The following B3GNT6 variants were observed in gnomAD, a reference collection of about 807,000 sequenced individuals.
The protein encoded by B3GNT6 is UDP-GlcNAc:betaGal beta-1,3-N-acetylglucosaminyltransferase 6, also known as acetylgalactosaminyl-O-glycosyl-glycoprotein beta-1,3-N-acetylglucosaminyltransferase.
For synonymous variants in B3GNT6, 300 were observed against 270.0 expected (o/e 1.11, Z -1.09); for missense variants, 624 against 568.6 (o/e 1.10, Z -0.99).
At position 77,041,042 on chromosome 11, in the gene B3GNT6, C is replaced by T. The variant is rs572454531; in HGVS notation, c.*336C>T. 9 of 291,242 alleles carry T rather than the reference C, an allele frequency of 3.1e-5. No individual in the cohort carries two copies. The highest frequency in any genetic ancestry group is 2.5e-4 in the East Asian group (4 of 16,138). The allele number at this position is 291,242 out of a possible 1,614,324, so 18.0% of individuals were successfully genotyped here. On this transcript the variant is annotated 3_prime_UTR_variant, in exon 2 of 2. Coordinates refer to ENST00000622824, the MANE Select transcript of B3GNT6 (RefSeq NM_138706.5). ...TCCACCGCCCTCTCTGCAAGAATTC[C>T]GGGCCCCTCGCTCCCACACTCGGGT...
rs144991604 is a variant in B3GNT6 at position 77,036,224 on chromosome 11, TAA to T, written c.-1+1749_-1+1750del. ...TGCGCACTGAGTAGACAGTTGACGG[TAA>T]AAGAGACATAGCTTATCTCGCAAGC... On this transcript the variant is annotated intron_variant, in intron 1 of 1. Transcript: ENST00000622824. Among the ~76,000 whole-genome samples, 468 of 152,286 alleles carry T rather than the reference TAA, an allele frequency of 3.1e-3. 3 individuals carry two copies. Among genetic ancestry groups the T allele is most frequent in the African/African-American group, 0.011 (455 of 41,570 alleles).
At chr11:77,039,492 G>T in intron 1 of B3GNT6, 60 bp from the exon 2 acceptor site, 2 of 1,522,240 alleles carry the variant, frequency 1.3e-6, no homozygotes, top group South Asian at 2.6e-5. Context: ...GGGTACGGGT[G>T]GTGTCCTGCC....
Position 77,039,105 on chromosome 11 carries a change from G to A in B3GNT6, c.1-447G>A, listed in dbSNP as rs78092135. Among the ~76,000 whole-genome samples, 1,458 of 152,306 alleles carry A rather than the reference G, an allele frequency of 9.6e-3. 13 individuals carry two copies. The highest frequency in any genetic ancestry group is 0.016 in the Non-Finnish European group (1,069 of 68,028). On this transcript the variant is annotated intron_variant, in intron 1 of 1. Transcript: ENST00000622824. The stretch of plus-strand genomic sequence containing the variant: ...TAGAGATGATCCGAGCTGGACAGAG[G>A]CGGAGAGGAGGGAATAAATGAGAGG...
Position 77,039,712 on chromosome 11 carries a change from C to T in B3GNT6, c.161C>T (p.Ala54Val), listed in dbSNP as rs1555027429. The change falls in exon 2 of 2, where the codon GCT becomes GTT. Residue 54 changes from alanine (A) to valine (V), a missense_variant. By Grantham distance (64) the Ala-to-Val change is moderately conservative. Coordinates refer to ENST00000622824, the MANE Select transcript of B3GNT6 (RefSeq NM_138706.5). ...GAGACGCCAGAGGGTCCCACCGACG[C>T]TCCCGCGGCTGACGAGCCGCCCTCG... ...QEETPEGPTDAPAADEPPSEL... is the reference protein window; with the variant it reads ...QEETPEGPTDVPAADEPPSEL... 6.2e-7 allele frequency: 1 copy of T among 1,606,858 alleles called. No homozygotes were observed. Among genetic ancestry groups the T allele is most frequent in the African/African-American group, 1.3e-5 (1 of 74,748 alleles).
At position 77,041,269 on chromosome 11, in the gene B3GNT6, C is replaced by G. The variant is rs1483595600; in HGVS notation, c.*563C>G. On this transcript the variant is annotated 3_prime_UTR_variant, in exon 2 of 2. Transcript: ENST00000622824. ...CACGCAGCTGAGGCGCATGTGGTGGCCTTCTTCCCACCACTACCCCAGTAC... is the reference window on the plus strand; with the variant it reads ...CACGCAGCTGAGGCGCATGTGGTGGGCTTCTTCCCACCACTACCCCAGTAC... The G allele has an allele frequency of 6.5e-6, 1 of 152,984 alleles. No homozygotes were observed. Among genetic ancestry groups the G allele is most frequent in the African/African-American group, 2.4e-5 (1 of 41,596 alleles). 9.5% of individuals were successfully genotyped at this position (152,984 alleles called of 1,614,324 possible).
At chr11:77,036,078 G>A (rs1409794114) in intron 1 of B3GNT6, among the ~76,000 whole-genome samples, 1 of 152,230 alleles carries the variant, frequency 6.6e-6, no homozygotes, top group East Asian at 1.9e-4. Context: ...ATTAACTCAG[G>A]AAAGAAGCTG....
intron 1 of B3GNT6, among the ~76,000 whole-genome samples, chr11:77,038,021 GA>G: frequency 5.7e-4 from 1 of 1,746 alleles, no homozygotes; most frequent in Non-Finnish European, 1.2e-3. Context: ...GATATGGGAG[GA>G]GGGGGAGGAG....
chr11:77,038,284 G>A (rs1046361985), intron 1 of B3GNT6, among the ~76,000 whole-genome samples: 1 of 151,510 alleles, frequency 6.6e-6, no homozygotes, highest in Non-Finnish European at 1.5e-5. Flanking sequence ...AAGGAACGGG[G>A]CACAGTGGCT....
chr11:77,039,672 A>G lies in B3GNT6; in HGVS notation c.121A>G (p.Arg41Gly). 1 of 1,612,544 alleles carries G rather than the reference A, an allele frequency of 6.2e-7. No individual in the cohort carries two copies. Among genetic ancestry groups the G allele is most frequent in the Non-Finnish European group, 8.5e-7 (1 of 1,179,594 alleles). Residue 41 changes from arginine (R) to glycine (G), a missense_variant, in exon 2 of 2, where the codon AGG becomes GGG. Coordinates refer to ENST00000622824, the MANE Select transcript of B3GNT6 (RefSeq NM_138706.5). ...GGCGCCAAGGTCCCCGCGGGAGGAGAGGTCCCCGCAGGAGGAGACGCCAGA... is the reference window on the plus strand; with the variant it reads ...GGCGCCAAGGTCCCCGCGGGAGGAGGGGTCCCCGCAGGAGGAGACGCCAGA... ...LQAPRSPREE[R>G]SPQEETPEGP...
chr11:77,040,919 C>CTA lies in B3GNT6; in HGVS notation c.*213_*214insTA. On this transcript the variant is annotated 3_prime_UTR_variant, in exon 2 of 2. Coordinates refer to ENST00000622824, the MANE Select transcript of B3GNT6 (RefSeq NM_138706.5). Reference sequence around the variant, plus strand: ...TTGATTAGTCTGGGGTGGACCCAGACATGTTAAGTATTTTTTAAGTTCCTC... The same window carrying CTA: ...TTGATTAGTCTGGGGTGGACCCAGACTAATGTTAAGTATTTTTTAAGTTCCTC... 5.5e-6 allele frequency: 4 copies of CTA among 724,950 alleles called. No individual in the cohort carries two copies. Among genetic ancestry groups the CTA allele is most frequent in the Non-Finnish European group, 4.0e-6 (2 of 495,176 alleles). 44.9% of individuals were successfully genotyped at this position (724,950 alleles called of 1,614,324 possible). A position where few individuals can be genotyped will look rare whatever the true frequency, so the allele number is the denominator to read the frequency against.
rs1381100761 is a variant in B3GNT6 at position 77,040,436 on chromosome 11, G to C, written c.885G>C (p.Leu295=). Residue 295 remains leucine (L), a synonymous_variant, in exon 2 of 2, where the codon CTG becomes CTC. Coordinates refer to ENST00000622824, the MANE Select transcript of B3GNT6 (RefSeq NM_138706.5). ...FLLSGPTARA[L]RAAARHTPLF... is the part of the protein sequence containing the mutation. ...TGTCCGGCCCCACGGCCCGGGCCCT[G>C]CGCGCGGCCGCCCGCCACACCCCGC... The C allele has an allele frequency of 4.6e-6, 7 of 1,530,254 alleles. No individual in the cohort carries two copies. The highest frequency in any genetic ancestry group is 6.1e-6 in the Non-Finnish European group (7 of 1,144,354). The allele number at this position is 1,530,254 out of a possible 1,614,324, so 94.8% of individuals were successfully genotyped here.
Position 77,039,727 on chromosome 11 carries a change from A to G in B3GNT6, c.176A>G (p.Glu59Gly). The G allele has an allele frequency of 6.2e-7, 1 of 1,605,270 alleles. No individual in the cohort carries two copies. Among genetic ancestry groups the G allele is most frequent in the Non-Finnish European group, 8.5e-7 (1 of 1,177,038 alleles). ...EGPTDAPAAD[E>G]PPSELVPGPP... Reference sequence around the variant, plus strand: ...CCCACCGACGCTCCCGCGGCTGACGAGCCGCCCTCGGAGCTCGTCCCCGGG... The same window carrying G: ...CCCACCGACGCTCCCGCGGCTGACGGGCCGCCCTCGGAGCTCGTCCCCGGG... The change falls in exon 2 of 2, where the codon GAG becomes GGG. Residue 59 changes from glutamate to glycine, a missense_variant. By Grantham distance (98) the Glu-to-Gly change is moderately conservative (BLOSUM62 -2). Coordinates refer to ENST00000622824, the MANE Select transcript of B3GNT6 (RefSeq NM_138706.5).
chr11:77,038,207 C>A (rs572434382), intron 1 of B3GNT6, among the ~76,000 whole-genome samples: 1 of 149,378 alleles, frequency 6.7e-6, no homozygotes, highest in South Asian at 2.2e-4. Flanking sequence ...GCAAAGGGAA[C>A]TGAGAAACAT....
chr11:77,035,369 G>A (rs1949625829), intron 1 of B3GNT6, among the ~76,000 whole-genome samples: 1 of 152,220 alleles, frequency 6.6e-6, no homozygotes, highest in African/African-American at 2.4e-5. Flanking sequence ...TACATGCCAG[G>A]CATGGCTCTG....
Position 77,040,424 on chromosome 11 carries a change from G to T in B3GNT6, c.873G>T (p.Thr291=), listed in dbSNP as rs1257906042. The T allele has an allele frequency of 6.5e-7, 1 of 1,528,540 alleles. No individual in the cohort carries two copies. Among genetic ancestry groups the T allele is most frequent in the Middle Eastern group, 1.8e-4 (1 of 5,538 alleles). 94.7% of individuals were successfully genotyped at this position (1,528,540 alleles called of 1,614,324 possible). ...SGGGFLLSGP[T]ARALRAAARH... is the part of the protein sequence containing the mutation. The stretch of plus-strand genomic sequence containing the variant: ...GCGGCTTCCTCCTGTCCGGCCCCAC[G>T]GCCCGGGCCCTGCGCGCGGCCGCCC... Residue 291 remains threonine, a synonymous_variant, in exon 2 of 2, where the codon ACG becomes ACT. Coordinates refer to ENST00000622824, the MANE Select transcript of B3GNT6 (RefSeq NM_138706.5).
intron 1 of B3GNT6, among the ~76,000 whole-genome samples, chr11:77,034,845 T>G (rs188979071): frequency 6.6e-6 from 1 of 152,260 alleles, no homozygotes; most frequent in East Asian, 1.9e-4. Context: ...ATGACCAAAG[T>G]AGTTCCTGGG....
At position 77,040,593 on chromosome 11, in the gene B3GNT6, A is replaced by G; in HGVS notation, c.1042A>G (p.Met348Val). Residue 348 changes from methionine (M) to valine (V), a missense_variant, in exon 2 of 2, where the codon ATG becomes GTG. Met to Val is a conservative substitution (Grantham distance 21). Coordinates refer to ENST00000622824, the MANE Select transcript of B3GNT6 (RefSeq NM_138706.5). Reference sequence around the variant, plus strand: ...ACAGCAGTCCTCCTTCGACCCCTGCATGTACCGCGAGTTGCTGCTAGTGCA... The same window carrying G: ...ACAGCAGTCCTCCTTCGACCCCTGCGTGTACCGCGAGTTGCTGCTAGTGCA... ...GAQQSSFDPC[M>V]YRELLLVHRF... 6.3e-7 allele frequency: 1 copy of G among 1,595,256 alleles called. No homozygotes were observed. Among genetic ancestry groups the G allele is most frequent in the Non-Finnish European group, 8.5e-7 (1 of 1,177,578 alleles).
intron 1 of B3GNT6, among the ~76,000 whole-genome samples, chr11:77,036,527 C>T (rs1284467999): frequency 6.6e-6 from 1 of 152,190 alleles, no homozygotes; most frequent in African/African-American, 2.4e-5. Flanking sequence ...ACACACTCTT[C>T]GAAAAGCAGT....
At position 77,040,378 on chromosome 11, in the gene B3GNT6, A is replaced by G; in HGVS notation, c.827A>G (p.Tyr276Cys). Reference protein sequence around the residue: ...VPPQLFPGSAYPVYCSGGGFL... With the variant: ...VPPQLFPGSACPVYCSGGGFL... ...CCGCAGCTCTTCCCCGGGTCCGCTT[A>G]CCCGGTGTACTGCAGCGGCGGCGGC... Residue 276 changes from tyrosine (Y) to cysteine (C), a missense_variant, in exon 2 of 2, where the codon TAC becomes TGC. Tyr to Cys is a radical substitution (Grantham distance 194). Transcript: ENST00000622824. 6.6e-7 allele frequency: 1 copy of G among 1,525,810 alleles called. No individual in the cohort carries two copies. Among genetic ancestry groups the G allele is most frequent in the Non-Finnish European group, 8.7e-7 (1 of 1,145,252 alleles). 94.5% of individuals were successfully genotyped at this position (1,525,810 alleles called of 1,614,324 possible).
Sources: allele counts gnomAD v4.1 joint callset (sites outside exome capture counted in the v4.1 genomes callset), GRCh38; gene constraint gnomAD v4.1.1; transcripts MANE v1.5; gene names NCBI Gene and HGNC (gene_info 2026-07-23, HGNC 2026-07-21).